The following PCDH9 variants were observed in gnomAD, a reference collection of about 807,000 sequenced individuals.
The protein encoded by PCDH9 is protocadherin 9.
PCDH9 carries 24 observed loss-of-function variants against 70.6 expected under a neutral mutation model. The observed-to-expected ratio is 0.34, with a 90% CI of 0.25 to 0.48. The LOEUF (loss-of-function observed/expected upper bound fraction) is 0.48. Among genes scored for constraint, PCDH9 ranks in the 20% least tolerant of loss-of-function variants. PCDH9 has a pLI of 0.99. For missense variants in PCDH9, 1,281 were observed against 1,503.6 expected (o/e 0.85, Z 2.45); for synonymous variants, 562 against 558.5 (o/e 1.01, Z -0.09).
chr13:67,201,239 A>G (rs1004145178), intron 2 of PCDH9: 4 of 152,074 alleles, frequency 2.6e-5, no homozygotes, highest in Non-Finnish European at 5.9e-5. Flanking sequence ...ATAGTAGAAT[A>G]CTTGATTTGA....
chr13:66,704,192 AAAC>A (rs1317117053), intron 3 of PCDH9, among the ~76,000 whole-genome samples: 4 of 152,226 alleles, frequency 2.6e-5, no homozygotes, highest in Admixed American at 1.3e-4. Context: ...ACCTTGATTA[AAAC>A]AACAAGCTTG....
intron 4 of PCDH9, among the ~76,000 whole-genome samples, chr13:66,494,821 A>T (rs1292714113): frequency 6.6e-6 from 1 of 152,198 alleles, no homozygotes; most frequent in Non-Finnish European, 1.5e-5. Flanking sequence ...GAGATTTATT[A>T]AATGTTTCAA....
intron 3 of PCDH9, among the ~76,000 whole-genome samples, chr13:66,882,723 A>G (rs2081941759): frequency 6.6e-6 from 1 of 152,188 alleles, no homozygotes; most frequent in East Asian, 1.9e-4. Context: ...AGGTATCAGC[A>G]ACTACTTTTT....
intron 2 of PCDH9, among the ~76,000 whole-genome samples, chr13:67,026,870 C>A (rs1341530333): frequency 2.6e-5 from 4 of 151,974 alleles, no homozygotes; most frequent in Non-Finnish European, 5.9e-5. Context: ...ACGTGAAGGA[C>A]CTCTTCAAGG....
chr13:66,817,903 C>T (rs2080637182), intron 3 of PCDH9, among the ~76,000 whole-genome samples: 1 of 152,154 alleles, frequency 6.6e-6, no homozygotes, highest in Non-Finnish European at 1.5e-5. Context: ...GCTGGGATTA[C>T]AGGAGTGAGC....
At chr13:66,347,200 A>C (rs895820286) in intron 4 of PCDH9, among the ~76,000 whole-genome samples, 2 of 152,238 alleles carry the variant, frequency 1.3e-5, no homozygotes, top group Non-Finnish European at 2.9e-5. Context: ...TCAATTGCAT[A>C]CCAAGCACAT....
intron 3 of PCDH9, among the ~76,000 whole-genome samples, chr13:66,703,963 T>C (rs1314699816): frequency 6.6e-6 from 1 of 152,196 alleles, no homozygotes; most frequent in Non-Finnish European, 1.5e-5. Flanking sequence ...TAGCCATACA[T>C]TCACTTTCAT....
intron 4 of PCDH9, among the ~76,000 whole-genome samples, chr13:66,423,569 A>G (rs1957610491): frequency 6.6e-6 from 1 of 152,192 alleles, no homozygotes; most frequent in East Asian, 1.9e-4. Flanking sequence ...AGAACCAATG[A>G]CAAAAGCCAC....
At chr13:67,133,423 G>C (rs1440161469) in intron 2 of PCDH9, among the ~76,000 whole-genome samples, 1 of 152,062 alleles carries the variant, frequency 6.6e-6, no homozygotes, top group Non-Finnish European at 1.5e-5. Context: ...CATTTGCATA[G>C]AGGCTGAATG....
chr13:66,494,589 A>G (rs1959084008), intron 4 of PCDH9, among the ~76,000 whole-genome samples: 1 of 152,054 alleles, frequency 6.6e-6, no homozygotes, highest in South Asian at 2.1e-4. Flanking sequence ...CACTCTCTCC[A>G]TACCCCCACC....
chr13:66,496,177 CTCT>C (rs1368196488), intron 4 of PCDH9, among the ~76,000 whole-genome samples: 1 of 152,090 alleles, frequency 6.6e-6, no homozygotes, highest in Non-Finnish European at 1.5e-5. Context: ...CAAAATATAA[CTCT>C]TCTTCTCCTA....
At chr13:66,994,348 A>G (rs966558541) in intron 2 of PCDH9, among the ~76,000 whole-genome samples, 1 of 152,206 alleles carries the variant, frequency 6.6e-6, no homozygotes, top group African/African-American at 2.4e-5. Context: ...AGCCGGACGC[A>G]GTAGCTCCCC....
chr13:66,732,672 T>C (rs2079093624), intron 3 of PCDH9, among the ~76,000 whole-genome samples: 1 of 152,068 alleles, frequency 6.6e-6, no homozygotes, highest in Non-Finnish European at 1.5e-5. Flanking sequence ...TCTGCTGACT[T>C]GCTTATATCT....
intron 2 of PCDH9, chr13:67,217,949 T>G (rs574943932): frequency 3.3e-5 from 5 of 152,210 alleles, no homozygotes; most frequent in Non-Finnish European, 7.4e-5. Context: ...TTTGAGATTT[T>G]TATTCTTTCA....
intron 3 of PCDH9, among the ~76,000 whole-genome samples, chr13:66,790,587 G>C (rs2080148782): frequency 6.6e-6 from 1 of 151,990 alleles, no homozygotes; most frequent in Non-Finnish European, 1.5e-5. Flanking sequence ...AATTGATTTT[G>C]TGTATGGTGT....
At chr13:66,508,115 A>C (rs1330716765) in intron 4 of PCDH9, among the ~76,000 whole-genome samples, 1 of 152,228 alleles carries the variant, frequency 6.6e-6, no homozygotes, top group Non-Finnish European at 1.5e-5. Context: ...ATTATTTGAT[A>C]GAGAGCATTT....
intron 4 of PCDH9, among the ~76,000 whole-genome samples, chr13:66,417,193 A>G (rs1424803762): frequency 6.6e-6 from 1 of 152,006 alleles, no homozygotes; most frequent in Non-Finnish European, 1.5e-5. Context: ...CTACCCATCA[A>G]CAGGCCCCAG....
At chr13:66,953,051 A>G (rs1366402443) in intron 2 of PCDH9, among the ~76,000 whole-genome samples, 1 of 151,376 alleles carries the variant, frequency 6.6e-6, no homozygotes, top group Non-Finnish European at 1.5e-5. Flanking sequence ...ATGTAATTAA[A>G]GCATATGAAT....
At chr13:66,701,555 T>C (rs1050196921) in intron 3 of PCDH9, among the ~76,000 whole-genome samples, 1 of 152,112 alleles carries the variant, frequency 6.6e-6, no homozygotes, top group Non-Finnish European at 1.5e-5. Context: ...ATTACCATGA[T>C]TGTCTTTTTG....
Sources: allele counts gnomAD v4.1 joint callset (sites outside exome capture counted in the v4.1 genomes callset), GRCh38; gene constraint gnomAD v4.1.1; transcripts MANE v1.5; gene names NCBI Gene and HGNC (gene_info 2026-07-23, HGNC 2026-07-21).